The following LMX1A variants were observed in gnomAD, a reference collection of about 807,000 sequenced individuals.
The protein encoded by LMX1A is LIM homeobox transcription factor 1-alpha.
Under a neutral mutation model 49.1 loss-of-function variants are expected in LMX1A, and 15 were observed. The ratio of observed to expected loss-of-function variants is 0.31; its 90% CI spans 0.20 to 0.47. The LOEUF (loss-of-function observed/expected upper bound fraction) is 0.47. LMX1A is among the 20% of genes least tolerant of loss of function. The pLI is 1.00. For missense variants in LMX1A, 372 were observed against 475.8 expected, an observed-to-expected ratio of 0.78 and a Z score of 2.03; for synonymous variants, 167 against 185.7, an observed-to-expected ratio of 0.90 and a Z score of 0.82.
chr1:165,249,379 C>T (rs200296653), intron 4 of LMX1A, 29 bp downstream of exon 4: 190 of 1,542,528 alleles, frequency 1.2e-4, no homozygotes, highest in South Asian at 1.1e-3. Context: ...CCCACCCCAC[C>T]GCAGCCCTGC....
intron 3 of LMX1A, among the ~76,000 whole-genome samples, chr1:165,273,988 A>G (rs1370509266): frequency 1.3e-5 from 2 of 152,210 alleles, no homozygotes; most frequent in African/African-American, 4.8e-5. Context: ...GCTAGACTAC[A>G]TCATTCATTC....
intron 3 of LMX1A, among the ~76,000 whole-genome samples, chr1:165,335,032 T>C (rs1655858589): frequency 1.3e-5 from 2 of 152,232 alleles, no homozygotes; most frequent in Admixed American, 1.3e-4. Flanking sequence ...CACCCCTTTG[T>C]TAAGAGGTTT....
chr1:165,329,596 A>G (rs1419343326), intron 3 of LMX1A, among the ~76,000 whole-genome samples: 3 of 152,052 alleles, frequency 2.0e-5, no homozygotes, highest in African/African-American at 7.2e-5. Flanking sequence ...CAGAGGCAGT[A>G]AGTGCCCACA....
intron 3 of LMX1A, among the ~76,000 whole-genome samples, chr1:165,343,207 T>A (rs1656131683): frequency 6.6e-6 from 1 of 152,156 alleles, no homozygotes. Context: ...TCATTATCCC[T>A]GTTTTAGAGA....
At chr1:165,233,167 A>G (rs564749805) in intron 4 of LMX1A, among the ~76,000 whole-genome samples, 7 of 152,352 alleles carry the variant, frequency 4.6e-5, no homozygotes, top group African/African-American at 1.4e-4. Context: ...AAAACTACCC[A>G]GTTTTGGCCG....
chr1:165,221,295 T>C (rs1651834693), intron 4 of LMX1A, among the ~76,000 whole-genome samples: 2 of 152,054 alleles, frequency 1.3e-5, no homozygotes, highest in Non-Finnish European at 2.9e-5. Context: ...GGGTGAAAGG[T>C]TGACCCTGAG....
intron 5 of LMX1A, among the ~76,000 whole-genome samples, chr1:165,211,897 T>C (rs1262056345): frequency 6.6e-6 from 1 of 152,080 alleles, no homozygotes; most frequent in East Asian, 1.9e-4. Flanking sequence ...GGTGTTACAG[T>C]AATGTGTACA....
chr1:165,345,744 T>A (rs993128023), intron 3 of LMX1A, among the ~76,000 whole-genome samples: 3 of 152,156 alleles, frequency 2.0e-5, no homozygotes, highest in South Asian at 2.1e-4. Flanking sequence ...TAAAGGCTAA[T>A]TAGGCCAGGT....
chr1:165,228,227 G>A (rs1571161706), intron 4 of LMX1A, among the ~76,000 whole-genome samples: 1 of 43,692 alleles, frequency 2.3e-5, no homozygotes, highest in African/African-American at 3.5e-5. Context: ...CTATAGTTTA[G>A]ATAGCCCTGC....
At chr1:165,243,598 A>C (rs552434343) in intron 4 of LMX1A, among the ~76,000 whole-genome samples, 1 of 152,348 alleles carries the variant, frequency 6.6e-6, no homozygotes, top group South Asian at 2.1e-4. Context: ...AAAAGACAAA[A>C]CTTAGAAAAT....
chr1:165,286,287 T>C (rs1041683722), intron 3 of LMX1A, among the ~76,000 whole-genome samples: 9 of 152,240 alleles, frequency 5.9e-5, no homozygotes, highest in African/African-American at 2.2e-4. Flanking sequence ...CTTCCTTGTT[T>C]ACTTCCTGGT....
chr1:165,278,756 C>A (rs1340850182), intron 3 of LMX1A, among the ~76,000 whole-genome samples: 1 of 152,208 alleles, frequency 6.6e-6, no homozygotes, highest in Non-Finnish European at 1.5e-5. Context: ...AGACACAGCA[C>A]AACAAAAGCC....
At chr1:165,226,569 A>G (rs186174062) in intron 4 of LMX1A, among the ~76,000 whole-genome samples, 164 of 152,318 alleles carry the variant, frequency 1.1e-3, no homozygotes, top group Non-Finnish European at 4.0e-4. Context: ...CAAGAAAAAA[A>G]CTTGCCATTG....
At chr1:165,325,086 A>C (rs1004326637) in intron 3 of LMX1A, among the ~76,000 whole-genome samples, 1 of 152,070 alleles carries the variant, frequency 6.6e-6, no homozygotes, top group African/African-American at 2.4e-5. Flanking sequence ...AAACCCTCCA[A>C]AGGCTACTGC....
In LMX1A at chr1:165,210,678, T is replaced by C. The variant is rs374485614; in HGVS notation, c.747+21A>G. On this transcript the variant is annotated intron_variant, in intron 6 of 8. Coordinates refer to ENST00000342310, the MANE Select transcript of LMX1A (RefSeq NM_177398.4). ...AGGAAACCAGCAACATGGGGACAGA[T>C]AAAAGTAAGAAGCAGGTTACCTTCG... 161 of 1,591,178 alleles carry C rather than the reference T, an allele frequency of 1.0e-4. 1 individual carries two copies. In the Middle Eastern group the frequency reaches 2.2e-3, roughly 21 times the overall value.
intron 3 of LMX1A, among the ~76,000 whole-genome samples, chr1:165,300,019 T>C (rs1654730911): frequency 6.6e-6 from 1 of 152,172 alleles, no homozygotes; most frequent in African/African-American, 2.4e-5. Flanking sequence ...TTGGGTGAGA[T>C]AAGAGCCATT....
At chr1:165,326,631 C>T (rs1445046090) in intron 3 of LMX1A, among the ~76,000 whole-genome samples, 1 of 152,182 alleles carries the variant, frequency 6.6e-6, no homozygotes, top group African/African-American at 2.4e-5. Flanking sequence ...AGACTGGCCG[C>T]CTGGCCTGTT....
At chr1:165,258,020 T>C (rs1395861751) in intron 3 of LMX1A, among the ~76,000 whole-genome samples, 1 of 152,166 alleles carries the variant, frequency 6.6e-6, no homozygotes, top group Non-Finnish European at 1.5e-5. Flanking sequence ...TTTGATGAGA[T>C]ATATGAACCC....
At chr1:165,265,117 T>C (rs1653578863) in intron 3 of LMX1A, among the ~76,000 whole-genome samples, 1 of 147,176 alleles carries the variant, frequency 6.8e-6, no homozygotes, top group South Asian at 2.2e-4. Flanking sequence ...GGCAGGAGAA[T>C]GGCGGGAACC....
Sources: gnomAD v4.1 joint callset for allele counts (sites outside exome capture counted in the v4.1 genomes callset) on GRCh38, gnomAD v4.1.1 for gene constraint, MANE v1.5 for transcripts, NCBI Gene and HGNC (gene_info 2026-07-23, HGNC 2026-07-21) for gene names.